WWOX: variants seen among roughly 807,000 people sequenced by gnomAD.
WWOX encodes the protein WW domain containing oxidoreductase, also known as WW domain-containing oxidoreductase.
In WWOX, 69 loss-of-function variants were observed where a neutral mutation model predicts 46.2. The ratio of observed to expected loss-of-function variants is 1.49; its 90% CI spans 1.23 to 1.82. WWOX has a LOEUF of 1.82. Among genes scored for constraint, WWOX ranks in the 40% most tolerant of loss-of-function variants. The pLI is 0.00. For synonymous variants in WWOX, 359 were observed against 202.6 expected (o/e 1.77, Z -6.56); for missense variants, 919 against 542.6 (o/e 1.69, Z -6.89).
At chr16:78,687,645 T>G (rs2047893335) in intron 8 of WWOX, among the ~76,000 whole-genome samples, 1 of 152,212 alleles carries the variant, frequency 6.6e-6, no homozygotes, top group African/African-American at 2.4e-5. Context: ...TCAGGAACCC[T>G]TGGTTAGCAC....
chr16:78,735,755 A>G (rs1205578067), intron 8 of WWOX, among the ~76,000 whole-genome samples: 1 of 151,610 alleles, frequency 6.6e-6, no homozygotes, highest in Non-Finnish European at 1.5e-5. Flanking sequence ...TAACTTTAGA[A>G]TGTTGTTGAC....
intron 5 of WWOX, among the ~76,000 whole-genome samples, chr16:78,313,534 T>G (rs1043594676): frequency 6.6e-6 from 1 of 152,092 alleles, no homozygotes. Context: ...CCCAGCTAAT[T>G]TTTGTGTTTT....
chr16:78,794,535 AT>A (rs2142615837), intron 8 of WWOX, among the ~76,000 whole-genome samples: 1 of 152,348 alleles, frequency 6.6e-6, no homozygotes, highest in African/African-American at 2.4e-5. Context: ...ATCCAAAAAA[AT>A]GGGTGAATAA....
At chr16:78,900,207 A>T (rs2044795704) in intron 8 of WWOX, among the ~76,000 whole-genome samples, 1 of 151,948 alleles carries the variant, frequency 6.6e-6, no homozygotes, top group African/African-American at 2.4e-5. Flanking sequence ...GCAGACCTGT[A>T]CATTTGTTTA....
chr16:78,387,668 A>G (rs1001470132), intron 6 of WWOX, among the ~76,000 whole-genome samples: 2 of 152,128 alleles, frequency 1.3e-5, no homozygotes, highest in East Asian at 1.9e-4. Context: ...GGCAAGCTAC[A>G]CTAATTACAA....
intron 8 of WWOX, among the ~76,000 whole-genome samples, chr16:79,192,568 G>C (rs888184193): frequency 6.6e-5 from 10 of 152,204 alleles, no homozygotes; most frequent in Non-Finnish European, 4.4e-5. Context: ...GAAAGGTTTA[G>C]CATGGAGAGA....
At chr16:79,121,708 A>C (rs1324633944) in intron 8 of WWOX, among the ~76,000 whole-genome samples, 1 of 152,160 alleles carries the variant, frequency 6.6e-6, no homozygotes, top group African/African-American at 2.4e-5. Context: ...AAGAATCCGA[A>C]CTGGTGGCTT....
intron 8 of WWOX, among the ~76,000 whole-genome samples, chr16:78,711,833 G>A (rs917330811): frequency 7.2e-5 from 11 of 152,134 alleles, no homozygotes; most frequent in African/African-American, 2.7e-4. Flanking sequence ...AAATGCACGA[G>A]TATTGATCAC....
At chr16:78,680,313 G>A (rs950914887) in intron 8 of WWOX, among the ~76,000 whole-genome samples, 3 of 152,134 alleles carry the variant, frequency 2.0e-5, no homozygotes, top group Admixed American at 6.5e-5. Context: ...GAAGGCTGAG[G>A]TGGGAGGATT....
At chr16:78,818,873 G>A (rs1444326006) in intron 8 of WWOX, among the ~76,000 whole-genome samples, 2 of 152,166 alleles carry the variant, frequency 1.3e-5, no homozygotes. Flanking sequence ...ACTGAGAGAG[G>A]GAATGTAAAG....
intron 8 of WWOX, among the ~76,000 whole-genome samples, chr16:78,695,189 A>G (rs1188230309): frequency 6.6e-6 from 1 of 152,226 alleles, no homozygotes; most frequent in East Asian, 1.9e-4. Flanking sequence ...TTAAGGTATG[A>G]AAACCCTGCT....
intron 5 of WWOX, among the ~76,000 whole-genome samples, chr16:78,366,121 G>C (rs1447705558): frequency 1.3e-5 from 2 of 152,160 alleles, no homozygotes; most frequent in African/African-American, 2.4e-5. Context: ...GAAATGTCTA[G>C]AAACCCCTAT....
intron 8 of WWOX, among the ~76,000 whole-genome samples, chr16:78,751,713 A>G (rs896545885): frequency 2.6e-5 from 4 of 151,748 alleles, no homozygotes; most frequent in African/African-American, 9.7e-5. Flanking sequence ...GTTCCTTACC[A>G]ACACGTAGAC....
chr16:78,419,153 C>T (rs749285694), intron 6 of WWOX, among the ~76,000 whole-genome samples: 6 of 152,108 alleles, frequency 3.9e-5, no homozygotes, highest in Non-Finnish European at 7.4e-5. Flanking sequence ...TATATACTAG[C>T]AATGAAGGCA....
At chr16:78,673,029 G>T (rs768951174) in intron 8 of WWOX, among the ~76,000 whole-genome samples, 1 of 152,300 alleles carries the variant, frequency 6.6e-6, no homozygotes, top group Non-Finnish European at 1.5e-5. Context: ...TTTGAAACCC[G>T]TCAATGGGGT....
chr16:78,767,801 C>T (rs1034725064), intron 8 of WWOX, among the ~76,000 whole-genome samples: 2 of 152,148 alleles, frequency 1.3e-5, no homozygotes, highest in Non-Finnish European at 2.9e-5. Context: ...TCCCATTTCC[C>T]TAATGATGTT....
chr16:78,594,178 G>A (rs76809994), intron 8 of WWOX, among the ~76,000 whole-genome samples: 2,525 of 146,940 alleles, frequency 0.017, 51 homozygotes, highest in East Asian at 0.08. Context: ...TTTATCTCTT[G>A]GAATCCTTAG....
At chr16:78,165,128 G>C (rs561760056) in intron 5 of WWOX, among the ~76,000 whole-genome samples, 1 of 152,158 alleles carries the variant, frequency 6.6e-6, no homozygotes, top group African/African-American at 2.4e-5. Flanking sequence ...TTGGGGGATG[G>C]GTATCTGGTA....
chr16:79,128,331 C>G (rs1361061174), intron 8 of WWOX, among the ~76,000 whole-genome samples: 4 of 96,028 alleles, frequency 4.2e-5, no homozygotes, highest in Admixed American at 4.1e-4. Context: ...CCCCTAATAG[C>G]TAAGAGTTAA....
Sources: gnomAD v4.1 joint callset for allele counts (sites outside exome capture counted in the v4.1 genomes callset) on GRCh38, gnomAD v4.1.1 for gene constraint, MANE v1.5 for transcripts, NCBI Gene and HGNC (gene_info 2026-07-23, HGNC 2026-07-21) for gene names.